RXRG: variants seen among roughly 807,000 people sequenced by gnomAD.
The protein encoded by RXRG is retinoic acid receptor RXR-gamma.
RXRG carries 19 observed loss-of-function variants against 49.2 expected under a neutral mutation model. The observed-to-expected ratio is 0.39, with a 90% CI of 0.27 to 0.57. The LOEUF is 0.57. RXRG is among the 20% of genes least tolerant of loss of function. The pLI, the probability that RXRG is intolerant of heterozygous loss-of-function variation, is 0.64. For missense variants in RXRG, 452 were observed against 592.5 expected, an observed-to-expected ratio of 0.76 and a Z score of 2.46; for synonymous variants, 224 against 216.6, an observed-to-expected ratio of 1.03 and a Z score of -0.30.
chr1:165,423,479 G>A (rs533910022), intron 2 of RXRG, among the ~76,000 whole-genome samples: 22 of 152,294 alleles, frequency 1.4e-4, no homozygotes, highest in Admixed American at 5.9e-4. Flanking sequence ...ACTGTGTTCA[G>A]CCCAAATCCT....
At chr1:165,442,103 G>C (rs1557929547) in intron 1 of RXRG, among the ~76,000 whole-genome samples, 4 of 152,218 alleles carry the variant, frequency 2.6e-5, no homozygotes, top group African/African-American at 9.6e-5. Flanking sequence ...ATATGTAACA[G>C]GGCAGGGGGT....
intron 2 of RXRG, among the ~76,000 whole-genome samples, chr1:165,423,309 A>T (rs1658382574): frequency 6.6e-6 from 1 of 152,128 alleles, no homozygotes; most frequent in Non-Finnish European, 1.5e-5. Flanking sequence ...TCACCAGGCA[A>T]CTCCTATCTG....
At chr1:165,434,272 A>ATG (rs1491272318) in intron 1 of RXRG, among the ~76,000 whole-genome samples, 28 of 66,776 alleles carry the variant, frequency 4.2e-4, no homozygotes, top group East Asian at 2.8e-3. Context: ...AATGAATTGC[A>ATG]TGTGTGTATG....
chr1:165,424,704 C>A lies in RXRG; in HGVS notation c.297+4015G>T, dbSNP rs963471890. The stretch of plus-strand genomic sequence containing the variant: ...GGAGACTGGCCCTGCCTGCTGCTCC[C>A]ACCCCTAGACACTTCCTCCTCCCTT... On this transcript the variant is annotated intron_variant, in intron 2 of 9. Coordinates refer to ENST00000359842, the MANE Select transcript of RXRG (RefSeq NM_006917.5). 6 of 850,482 alleles carry A rather than the reference C, an allele frequency of 7.1e-6. No homozygotes were observed. In the African/African-American group the frequency reaches 9.2e-5, roughly 13 times the overall value. 52.7% of individuals were successfully genotyped at this position (850,482 alleles called of 1,614,324 possible).
chr1:165,405,576 T>TC (rs1557908774), intron 9 of RXRG, among the ~76,000 whole-genome samples: 1 of 152,132 alleles, frequency 6.6e-6, no homozygotes, highest in African/African-American at 2.4e-5. Flanking sequence ...CTCCACCTCT[T>TC]CCCCCTTCCA....
At chr1:165,421,859 A>C (rs1174068234) in intron 2 of RXRG, among the ~76,000 whole-genome samples, 2 of 152,174 alleles carry the variant, frequency 1.3e-5, no homozygotes, top group Non-Finnish European at 2.9e-5. Flanking sequence ...ATTTCACCAG[A>C]TGACATTAAT....
intron 3 of RXRG, among the ~76,000 whole-genome samples, chr1:165,418,923 G>C (rs1342051634): frequency 6.6e-6 from 1 of 152,234 alleles, no homozygotes; most frequent in Non-Finnish European, 1.5e-5. Context: ...GTAAGTTCTA[G>C]GTGCCTGGAA....
At chr1:165,405,006 G>A (rs1657699825) in intron 9 of RXRG, among the ~76,000 whole-genome samples, 1 of 152,158 alleles carries the variant, frequency 6.6e-6, no homozygotes, top group Non-Finnish European at 1.5e-5. Flanking sequence ...TGATCCGCCA[G>A]CCTCAGCCTC....
At chr1:165,419,089 T>C (rs944799886) in intron 3 of RXRG, among the ~76,000 whole-genome samples, 1 of 151,814 alleles carries the variant, frequency 6.6e-6, no homozygotes, top group African/African-American at 2.4e-5. Flanking sequence ...GTGTTCAAAA[T>C]TGATGGGGAG....
At chr1:165,441,905 T>C (rs1263431824) in intron 1 of RXRG, among the ~76,000 whole-genome samples, 1 of 152,242 alleles carries the variant, frequency 6.6e-6, no homozygotes, top group Non-Finnish European at 1.5e-5. Flanking sequence ...GGCACCTTTG[T>C]GGAGCCACCA....
At chr1:165,429,524 A>G (rs981521501) in intron 1 of RXRG, among the ~76,000 whole-genome samples, 1 of 152,218 alleles carries the variant, frequency 6.6e-6, no homozygotes, top group African/African-American at 2.4e-5. Flanking sequence ...GTCACATTCC[A>G]TAATAATGAT....
chr1:165,427,026 T>C lies in RXRG; in HGVS notation c.297+1693A>G, dbSNP rs749706290. 1.8e-4 allele frequency among the ~76,000 whole-genome samples: 28 copies of C among 152,236 alleles called. 1 individual carries two copies. The highest frequency in any genetic ancestry group is 3.5e-4 in the Non-Finnish European group (24 of 68,042). ...TTGTTCTATTCAGATCTTCAACTAA[T>C]TGGATGATGCCCACTCACATTAGGG... is the stretch of plus-strand genomic sequence containing the variant. On this transcript the variant is annotated intron_variant, in intron 2 of 9. Coordinates refer to ENST00000359842, the MANE Select transcript of RXRG (RefSeq NM_006917.5).
intron 2 of RXRG, among the ~76,000 whole-genome samples, 200 bp from the exon 3 acceptor site, chr1:165,420,214 C>T (rs951494228): frequency 3.3e-5 from 5 of 152,184 alleles, no homozygotes; most frequent in African/African-American, 7.2e-5. Flanking sequence ...AAAATTATTT[C>T]TAGAAGCCAA....
intron 7 of RXRG, 54 bp downstream of exon 7, chr1:165,409,503 AC>A: frequency 1.5e-6 from 2 of 1,356,150 alleles, no homozygotes; most frequent in Non-Finnish European, 9.5e-7. Flanking sequence ...ACACACACAC[AC>A]ACACACACAC....
At chr1:165,418,242 T>G (rs78785488) in intron 3 of RXRG, among the ~76,000 whole-genome samples, 21,337 of 151,912 alleles carry the variant, frequency 0.14, 1,570 homozygotes, top group East Asian at 0.21. Context: ...GGTGGCTAAT[T>G]TAGGTCAGGA....
At chr1:165,406,999 GAGTTACTAGAGA>G in intron 8 of RXRG, 82 bp from the exon 9 acceptor site, 1 of 899,498 alleles carries the variant, frequency 1.1e-6, no homozygotes, top group Non-Finnish European at 1.8e-6. Context: ...ACTCTCTGTA[GAGTTACTAGAGA>G]CACCCTGGAT....
chr1:165,430,216 G>A (rs768271973), intron 1 of RXRG, among the ~76,000 whole-genome samples: 1 of 152,210 alleles, frequency 6.6e-6, no homozygotes, highest in Non-Finnish European at 1.5e-5. Context: ...TTGCCAAGCA[G>A]ATGGGATAAG....
At chr1:165,436,295 G>A (rs1387692307) in intron 1 of RXRG, among the ~76,000 whole-genome samples, 1 of 152,220 alleles carries the variant, frequency 6.6e-6, no homozygotes, top group African/African-American at 2.4e-5. Context: ...AGGAAGGGGA[G>A]TAGAGGGGGC....
intron 4 of RXRG, among the ~76,000 whole-genome samples, chr1:165,411,860 A>G (rs902794965): frequency 1.1e-4 from 16 of 152,200 alleles, no homozygotes; most frequent in Non-Finnish European, 1.5e-4. Context: ...TGCCCCCTCC[A>G]ATTCTATGCT....
Sources: allele counts gnomAD v4.1 joint callset (sites outside exome capture counted in the v4.1 genomes callset), GRCh38; gene constraint gnomAD v4.1.1; transcripts MANE v1.5; gene names NCBI Gene and HGNC (gene_info 2026-07-23, HGNC 2026-07-21).